Variants in EPHB1 observed in about 807,000 individuals in gnomAD.
The protein encoded by EPHB1 is EPH receptor B1.
Under a neutral mutation model 94.4 loss-of-function variants are expected in EPHB1, and 30 were observed. The ratio of observed to expected loss-of-function variants is 0.32; its 90% confidence interval spans 0.24 to 0.43. The LOEUF (loss-of-function observed/expected upper bound fraction) is 0.43. EPHB1 is among the 20% of genes least tolerant of loss of function. The pLI, the probability that EPHB1 is intolerant of heterozygous loss-of-function variation, is 1.00. For missense variants in EPHB1, 1,055 were observed against 1,308.3 expected (o/e 0.81, Z 2.99); for synonymous variants, 522 against 489.1 (o/e 1.07, Z -0.89).
In EPHB1 at chr3:134,951,891, G is replaced by A. The variant is rs1691646998; in HGVS notation, c.644G>A (p.Ser215Asn). ...VFPETMTGAE[S>N]TSLVIARGTC... ...CCAGAGACTATGACAGGGGCAGAGAGCACATCTCTGGTGATTGCTCGGGGC... is the reference window on the plus strand; with the variant it reads ...CCAGAGACTATGACAGGGGCAGAGAACACATCTCTGGTGATTGCTCGGGGC... The change falls in exon 3 of 16, where the codon AGC becomes AAC. Residue 215 changes from serine to asparagine, a missense_variant. Physicochemically the swap from Ser to Asn is conservative, Grantham distance 46. Coordinates refer to ENST00000398015, the MANE Select transcript of EPHB1 (RefSeq NM_004441.5). This position sits in a 1 kb window ranked among gnomAD's most constrained non-coding sequence, Gnocchi z 4.5. 1 of 1,614,038 alleles carries A rather than the reference G, an allele frequency of 6.2e-7. No homozygotes were observed.
chr3:134,837,306 T>C (rs1163048508), intron 1 of EPHB1, among the ~76,000 whole-genome samples: 2 of 152,254 alleles, frequency 1.3e-5, no homozygotes, highest in Non-Finnish European at 2.9e-5. Context: ...CTTCAGCTTA[T>C]CTATTTGGTT....
intron 1 of EPHB1, among the ~76,000 whole-genome samples, chr3:134,874,784 A>C (rs1411520376): frequency 6.6e-6 from 1 of 152,232 alleles, no homozygotes; most frequent in African/African-American, 2.4e-5. Context: ...GAGGATTGTC[A>C]GGAGGAGCAT....
intron 3 of EPHB1, among the ~76,000 whole-genome samples, chr3:135,092,312 C>T (rs539537448): frequency 6.6e-6 from 1 of 152,248 alleles, no homozygotes; most frequent in East Asian, 1.9e-4. Context: ...GTGATGGGAC[C>T]CTCCCTTCTG....
chr3:135,061,451 G>C (rs142635649), intron 3 of EPHB1, among the ~76,000 whole-genome samples: 4 of 143,006 alleles, frequency 2.8e-5, no homozygotes, highest in Non-Finnish European at 6.0e-5. Context: ...ACTTATGAGT[G>C]AGAACATACA....
intron 12 of EPHB1, among the ~76,000 whole-genome samples, chr3:135,223,644 G>C (rs768351661): frequency 2.0e-5 from 3 of 152,216 alleles, no homozygotes; most frequent in Non-Finnish European, 2.9e-5. Flanking sequence ...TTGAAGCCAT[G>C]ATAGAGATGT....
chr3:135,213,976 C>T (rs1943085549), intron 12 of EPHB1, among the ~76,000 whole-genome samples: 1 of 152,162 alleles, frequency 6.6e-6, no homozygotes, highest in Non-Finnish European at 1.5e-5. Flanking sequence ...CTCTGATCTC[C>T]CTCAGCCCCT....
intron 1 of EPHB1, among the ~76,000 whole-genome samples, chr3:134,819,096 A>G (rs116041726): frequency 6.6e-6 from 1 of 152,350 alleles, no homozygotes; most frequent in African/African-American, 2.4e-5. Context: ...AAAGGGGTCT[A>G]AACATGAGTT....
intron 4 of EPHB1, among the ~76,000 whole-genome samples, chr3:135,111,474 C>T (rs530493409): frequency 6.6e-6 from 1 of 152,110 alleles, no homozygotes; most frequent in East Asian, 1.9e-4. Context: ...AACCACAGGG[C>T]CTTCCCCTCC....
At chr3:135,113,079 C>G (rs867832305) in intron 4 of EPHB1, among the ~76,000 whole-genome samples, 1 of 152,178 alleles carries the variant, frequency 6.6e-6, no homozygotes, top group South Asian at 2.1e-4. Flanking sequence ...AGTCTGTGTT[C>G]TCCTTGAGGT....
intron 15 of EPHB1, among the ~76,000 whole-genome samples, chr3:135,256,367 T>C (rs1933386852): frequency 6.6e-6 from 1 of 152,238 alleles, no homozygotes; most frequent in African/African-American, 2.4e-5. Context: ...TGGTTGTTCC[T>C]TTCCATATTT....
At chr3:135,158,746 G>A (rs1430730473) in intron 6 of EPHB1, among the ~76,000 whole-genome samples, 3 of 152,050 alleles carry the variant, frequency 2.0e-5, no homozygotes, top group Admixed American at 2.0e-4. Flanking sequence ...CTTGTTTACT[G>A]TCGTGTAGCA....
chr3:135,138,189 A>G (rs531398712), intron 5 of EPHB1, among the ~76,000 whole-genome samples: 44 of 152,356 alleles, frequency 2.9e-4, no homozygotes, highest in Admixed American at 1.7e-3. Context: ...ACTATCCATC[A>G]TGCCCACAAC....
chr3:135,091,936 A>G (rs774307999), intron 3 of EPHB1, among the ~76,000 whole-genome samples: 18 of 152,160 alleles, frequency 1.2e-4, no homozygotes, highest in Non-Finnish European at 1.9e-4. Flanking sequence ...TTTAGATAGA[A>G]ACACAGTGAG....
chr3:134,904,173 A>G (rs191286399), intron 1 of EPHB1, among the ~76,000 whole-genome samples: 43 of 152,330 alleles, frequency 2.8e-4, no homozygotes, highest in Admixed American at 2.3e-3. Flanking sequence ...AGGAGCCTGT[A>G]GCTCCCAGGC....
At chr3:135,139,129 CAT>C (rs1940725366) in intron 5 of EPHB1, among the ~76,000 whole-genome samples, 2 of 152,210 alleles carry the variant, frequency 1.3e-5, no homozygotes, top group African/African-American at 4.8e-5. Flanking sequence ...CACAGATGAG[CAT>C]TAGTATGTAA....
intron 10 of EPHB1, among the ~76,000 whole-genome samples, chr3:135,182,510 A>T (rs764562743): frequency 6.0e-4 from 91 of 152,260 alleles, no homozygotes; most frequent in Non-Finnish European, 1.1e-3. Flanking sequence ...TGACAGATTT[A>T]GTGGGAAAAA....
At chr3:135,220,312 G>A (rs1258429307) in intron 12 of EPHB1, among the ~76,000 whole-genome samples, 1 of 152,116 alleles carries the variant, frequency 6.6e-6, no homozygotes, top group Non-Finnish European at 1.5e-5. Flanking sequence ...GAATATGCAG[G>A]AATGATTTCA....
intron 5 of EPHB1, among the ~76,000 whole-genome samples, chr3:135,151,585 G>A (rs981074431): frequency 3.3e-5 from 5 of 152,270 alleles, no homozygotes; most frequent in Middle Eastern, 3.4e-3. Flanking sequence ...CCACTAGAAA[G>A]TAAGCTCTAT....
chr3:135,031,526 T>C (rs1936469824), intron 3 of EPHB1, among the ~76,000 whole-genome samples: 1 of 152,202 alleles, frequency 6.6e-6, no homozygotes, highest in Non-Finnish European at 1.5e-5. Context: ...TCCATGCTGG[T>C]CTTGAACTCC....
Sources: gnomAD v4.1 joint callset for allele counts (sites outside exome capture counted in the v4.1 genomes callset) on GRCh38, gnomAD v4.1.1 for gene constraint, Gnocchi (gnomAD v3.1) non-coding constraint, MANE v1.5 for transcripts, NCBI Gene and HGNC (gene_info 2026-07-23, HGNC 2026-07-21) for gene names.